Variants in CTDSP2 observed in about 807,000 individuals in gnomAD.
CTDSP2 encodes carboxy-terminal domain RNA polymerase II polypeptide A small phosphatase 2.
A neutral mutation model predicts 31.6 loss-of-function variants in CTDSP2; 9 were observed. The ratio of observed to expected loss-of-function variants is 0.28; its 90% confidence interval spans 0.17 to 0.50. The LOEUF is 0.50. CTDSP2 is among the 20% of genes least tolerant of loss of function. The pLI, the probability that CTDSP2 is intolerant of heterozygous loss-of-function variation, is 0.98. For missense variants in CTDSP2, 267 were observed against 348.5 expected (o/e 0.77, Z 1.86); for synonymous variants, 134 against 134.5 (o/e 1.00, Z 0.03).
chr12:57,843,535 G>GAA (rs937091480), intron 1 of CTDSP2, among the ~76,000 whole-genome samples: 6 of 143,286 alleles, frequency 4.2e-5, no homozygotes, highest in African/African-American at 1.5e-4. Flanking sequence ...GCTAAAAAAA[G>GAA]AAAAAAAAAA....
chr12:57,846,647 T>G lies in CTDSP2; in HGVS notation c.-212A>C. 2.2e-6 allele frequency: 1 copy of G among 457,260 alleles called. No homozygotes were observed. 28.3% of individuals were successfully genotyped at this position (457,260 alleles called of 1,614,324 possible). A position where few individuals can be genotyped will look rare whatever the true frequency, so the allele number is the denominator to read the frequency against. ...CGGCCCGGGCAGCGGCTCCCCCGGG[T>G]GCCCCCGGCCCCGATCCCCCAGCGG... On this transcript the variant is annotated 5_prime_UTR_variant, in exon 1 of 8. Coordinates refer to ENST00000398073, the MANE Select transcript of CTDSP2 (RefSeq NM_005730.4).
chr12:57,824,390 C>T, intron 5 of CTDSP2, 71 bp from the exon 6 acceptor site: 2 of 1,129,612 alleles, frequency 1.8e-6, no homozygotes, highest in South Asian at 1.3e-5. Context: ...GTACCTTCAC[C>T]AGTTACACAG....
chr12:57,831,239 TGAG>T (rs1956213965), intron 1 of CTDSP2, among the ~76,000 whole-genome samples: 1 of 151,898 alleles, frequency 6.6e-6, no homozygotes, highest in Non-Finnish European at 1.5e-5. Flanking sequence ...GTGGATCACT[TGAG>T]GTCAGGAGTT....
At chr12:57,846,243 C>T (rs1956315301) in intron 1 of CTDSP2, 129 bp downstream of exon 1, 2 of 793,978 alleles carry the variant, frequency 2.5e-6, no homozygotes, top group South Asian at 1.8e-5. Context: ...GCGGATGGAC[C>T]GGAGGGGTCC....
chr12:57,823,804 C>T, intron 7 of CTDSP2, 77 bp from the exon 8 acceptor site: 1 of 1,609,102 alleles, frequency 6.2e-7, no homozygotes, highest in Admixed American at 1.7e-5. Context: ...TAGAGGGTGG[C>T]TGGGTCTTCC....
chr12:57,840,969 T>C (rs940497072), intron 1 of CTDSP2, among the ~76,000 whole-genome samples: 3 of 152,164 alleles, frequency 2.0e-5, no homozygotes, highest in African/African-American at 7.2e-5. Context: ...GGGCTGGGCA[T>C]TTTGCCAGAC....
rs766799001 is a variant in CTDSP2, at chr12:57,846,470, G to C, written c.-35C>G. The C allele has an allele frequency of 2.4e-5, 37 of 1,538,106 alleles. No homozygotes were observed. The highest frequency in any genetic ancestry group is 3.1e-5 in the Non-Finnish European group (35 of 1,142,238). ...CCGCGGGCCCGGGCTGGCTGGGCGG[G>C]AGGACGGGCGGGCGCGCGGGCTGGG... On this transcript the variant is annotated 5_prime_UTR_variant, in exon 1 of 8. Transcript: ENST00000398073.
Position 57,845,693 on chromosome 12 carries a change from G to C in CTDSP2, c.64+679C>G, listed in dbSNP as rs78449756. On this transcript the variant is annotated intron_variant, in intron 1 of 7. Transcript: ENST00000398073. ...GGGGCTCTGGCCGGGCCTCAGGGTC[G>C]GGCTTGTTTGCTCAGCGAAACTGGT... Among the ~76,000 whole-genome samples, 12 of 152,274 alleles carry C rather than the reference G, an allele frequency of 7.9e-5. No homozygotes were observed. The South Asian group carries it at 2.5e-3, about 32-fold the overall frequency.
chr12:57,842,256 C>T (rs1956286785), intron 1 of CTDSP2: 1 of 152,210 alleles, frequency 6.6e-6, no homozygotes, highest in Non-Finnish European at 1.5e-5. Context: ...TAATTCTTCA[C>T]AGGTTGGGAG....
In CTDSP2 at chr12:57,829,447, C is replaced by T; in HGVS notation, c.213+1G>A. The T allele has an allele frequency of 6.2e-7, 1 of 1,613,480 alleles. No homozygotes were observed. The highest frequency in any genetic ancestry group is 1.1e-5 in the South Asian group (1 of 91,070). ...GCATCTTACCACCCCAACCCACCTA[C>T]CTTAGCAATGGTGTTTGCTTCCTCC... On this transcript the variant is annotated splice_donor_variant, in intron 2 of 7. Transcript: ENST00000398073. LOFTEE classifies it high-confidence loss of function.
intron 1 of CTDSP2, 35 bp downstream of exon 1, chr12:57,846,337 G>C (rs900623046): frequency 1.3e-6 from 2 of 1,580,628 alleles, no homozygotes; most frequent in African/African-American, 2.7e-5. Flanking sequence ...CGCGCCCGGG[G>C]GCGACGCAAA....
At chr12:57,840,432 T>G (rs1956275748) in intron 1 of CTDSP2, among the ~76,000 whole-genome samples, 1 of 152,196 alleles carries the variant, frequency 6.6e-6, no homozygotes, top group African/African-American at 2.4e-5. Flanking sequence ...TCCAGTTTTC[T>G]TCTCTAGGGG....
rs1449135415 is a variant in CTDSP2, at chr12:57,846,683, C to G, written c.-248G>C. On this transcript the variant is annotated 5_prime_UTR_variant, in exon 1 of 8. Coordinates refer to ENST00000398073, the MANE Select transcript of CTDSP2 (RefSeq NM_005730.4). ...CCGATCCCCCAGCGGCAGCTCCGGG[C>G]TCCTCAGTTTGGGTCCAACATGGAG... 4.7e-6 allele frequency: 2 copies of G among 427,848 alleles called. No homozygotes were observed. Among genetic ancestry groups the G allele is most frequent in the African/African-American group, 2.1e-5 (1 of 47,656 alleles). 26.5% of individuals were successfully genotyped at this position (427,848 alleles called of 1,614,324 possible).
intron 1 of CTDSP2, among the ~76,000 whole-genome samples, chr12:57,843,720 G>C (rs1956296267): frequency 6.6e-6 from 1 of 152,180 alleles, no homozygotes; most frequent in Non-Finnish European, 1.5e-5. Flanking sequence ...GGAGAAGAAG[G>C]AACTCCAAAA....
At chr12:57,833,803 G>A (rs929599445) in intron 1 of CTDSP2, among the ~76,000 whole-genome samples, 8 of 152,240 alleles carry the variant, frequency 5.3e-5, no homozygotes, top group African/African-American at 1.9e-4. Context: ...TGAGCACTGA[G>A]GGAGCTGGGC....
In CTDSP2 at chr12:57,846,404, C is replaced by A; in HGVS notation, c.32G>T (p.Arg11Leu). The A allele has an allele frequency of 1.2e-6, 2 of 1,608,702 alleles. No homozygotes were observed. Among genetic ancestry groups the A allele is most frequent in the East Asian group, 4.5e-5 (2 of 44,634 alleles). MEHGSIITQA[R>L]REDALVLTKQ... ...GGTGAGCACCAGGGCGTCTTCCCTC[C>A]GCGCCTGGGTGATGATGGAGCCGTG... The change falls in exon 1 of 8, where the codon CGG becomes CTG. Residue 11 changes from arginine (R) to leucine (L), a missense_variant. Coordinates refer to ENST00000398073, the MANE Select transcript of CTDSP2 (RefSeq NM_005730.4).
intron 1 of CTDSP2, among the ~76,000 whole-genome samples, chr12:57,839,037 C>G (rs534578863): frequency 5.3e-5 from 8 of 152,278 alleles, no homozygotes; most frequent in African/African-American, 1.9e-4. Context: ...ACGAATCAGT[C>G]GCACACACAC....
At chr12:57,831,039 C>T (rs947704305) in intron 1 of CTDSP2, among the ~76,000 whole-genome samples, 26 of 147,950 alleles carry the variant, frequency 1.8e-4, no homozygotes, top group African/African-American at 5.2e-4. Context: ...TGAGCCACTG[C>T]GCCTGGCCAC....
intron 2 of CTDSP2, 63 bp downstream of exon 2, chr12:57,829,385 C>T (rs553057872): frequency 5.1e-6 from 8 of 1,572,084 alleles, no homozygotes; most frequent in Non-Finnish European, 7.0e-6. Flanking sequence ...TTGCCATCGT[C>T]TGCAGGGATC....
Sources: allele counts gnomAD v4.1 joint callset (sites outside exome capture counted in the v4.1 genomes callset), GRCh38; gene constraint gnomAD v4.1.1; transcripts MANE v1.5; gene names NCBI Gene and HGNC (gene_info 2026-07-23, HGNC 2026-07-21).